GLIS3: variants seen among roughly 807,000 people sequenced by gnomAD.
GLIS3 encodes the protein GLIS family zinc finger 3, also known as zinc finger protein GLIS3.
GLIS3 carries 53 observed loss-of-function variants against 78.6 expected under a neutral mutation model. The observed-to-expected ratio is 0.67, with a 90% CI of 0.54 to 0.85. The LOEUF is 0.85. Ranked by LOEUF, GLIS3 falls within the 40% of genes least tolerant of loss-of-function variation. GLIS3 has a pLI of 0.00. For missense variants in GLIS3, 1,703 were observed against 1,231.1 expected (o/e 1.38, Z -5.74); for synonymous variants, 684 against 509.9 (o/e 1.34, Z -4.60).
intron 4 of GLIS3, among the ~76,000 whole-genome samples, chr9:4,050,521 A>G (rs532506342): frequency 6.6e-6 from 1 of 152,148 alleles, no homozygotes; most frequent in Non-Finnish European, 1.5e-5. Context: ...GGGTGCAGCA[A>G]GCCAACATGG....
chr9:4,298,694 G>C (rs1392857136), intron 1 of GLIS3, among the ~76,000 whole-genome samples: 1 of 152,152 alleles, frequency 6.6e-6, no homozygotes, highest in African/African-American at 2.4e-5. Context: ...AAATGTAAAC[G>C]CGAGGTGACG....
chr9:4,066,472 G>A (rs1827107365), intron 4 of GLIS3, among the ~76,000 whole-genome samples: 1 of 152,186 alleles, frequency 6.6e-6, no homozygotes, highest in Non-Finnish European at 1.5e-5. Context: ...GCCCAGAGGA[G>A]AAGCTCCCTG....
rs565808705 is a variant in GLIS3, at chr9:3,873,883, G to A, written c.2297+5544C>T. ...ATTTGGTAAAGGTGATTTGACTACT[G>A]CTCAAAAATAATTGTTCCTCATATT... On this transcript the variant is annotated intron_variant, in intron 8 of 10. Transcript: ENST00000381971. 5.0e-4 allele frequency among the ~76,000 whole-genome samples: 76 copies of A among 152,220 alleles called. 1 individual carries two copies. In the South Asian group the frequency reaches 0.015, roughly 31 times the overall value.
intron 4 of GLIS3, among the ~76,000 whole-genome samples, chr9:3,982,775 G>A (rs1277146888): frequency 6.6e-6 from 1 of 152,084 alleles, no homozygotes; most frequent in African/African-American, 2.4e-5. Flanking sequence ...AAAAAAAGTT[G>A]GCTTGCATCT....
At chr9:4,325,797 A>T (rs1420311990) in intron 2 of GLIS3, among the ~76,000 whole-genome samples, 4 of 152,230 alleles carry the variant, frequency 2.6e-5, no homozygotes, top group Admixed American at 2.6e-4. Context: ...ACATGAAATC[A>T]ACCTAGATGC....
At chr9:3,959,944 G>C (rs1287580473) in intron 4 of GLIS3, among the ~76,000 whole-genome samples, 1 of 152,204 alleles carries the variant, frequency 6.6e-6, no homozygotes, top group Admixed American at 6.5e-5. Flanking sequence ...CTGAGGTCAG[G>C]AGTTCAAGAC....
At chr9:4,259,616 G>A (rs566821545) in intron 2 of GLIS3, among the ~76,000 whole-genome samples, 3 of 152,284 alleles carry the variant, frequency 2.0e-5, no homozygotes, top group African/African-American at 4.8e-5. Context: ...AAATGGGTGT[G>A]CTTTCAGTTT....
intron 2 of GLIS3, among the ~76,000 whole-genome samples, chr9:4,222,479 T>C (rs564925251): frequency 6.6e-6 from 1 of 152,310 alleles, no homozygotes; most frequent in East Asian, 1.9e-4. Context: ...ACCTGACCCT[T>C]TCTTTTGTGA....
intron 4 of GLIS3, among the ~76,000 whole-genome samples, chr9:4,018,253 T>G: frequency 6.6e-6 from 1 of 152,144 alleles, no homozygotes; most frequent in East Asian, 1.9e-4. Context: ...AAATGAGCAA[T>G]TAGGGTGAGG....
At chr9:3,964,852 A>G (rs1310352598) in intron 4 of GLIS3, among the ~76,000 whole-genome samples, 1 of 152,222 alleles carries the variant, frequency 6.6e-6, no homozygotes, top group Admixed American at 6.5e-5. Context: ...AAAATTGTAA[A>G]TAGTGAAGGT....
the GLIS3 span, among the ~76,000 whole-genome samples, chr9:4,438,682 G>C: frequency 3.3e-5 from 5 of 152,196 alleles, no homozygotes; most frequent in African/African-American, 1.2e-4. Flanking sequence ...ATGCAAGCAG[G>C]TTCCCCATGC....
chr9:4,085,161 C>G (rs886376599), intron 4 of GLIS3, among the ~76,000 whole-genome samples: 1 of 152,138 alleles, frequency 6.6e-6, no homozygotes, highest in Non-Finnish European at 1.5e-5. Flanking sequence ...AAGCAATGGT[C>G]AGACACTAAG....
chr9:3,837,786 C>G (rs987961659), intron 9 of GLIS3, among the ~76,000 whole-genome samples: 22 of 152,256 alleles, frequency 1.4e-4, no homozygotes, highest in African/African-American at 5.3e-4. Context: ...GAAGGACGAG[C>G]ACAGAGGTAG....
intron 9 of GLIS3, among the ~76,000 whole-genome samples, chr9:3,846,658 T>A (rs1017820709): frequency 1.3e-5 from 2 of 152,190 alleles, no homozygotes; most frequent in African/African-American, 4.8e-5. Context: ...AGGACTGGTA[T>A]CTATGGGCAC....
chr9:4,229,383 G>C lies in GLIS3; in HGVS notation c.388+56655C>G, dbSNP rs185031768. Among the ~76,000 whole-genome samples, 8 of 152,348 alleles carry C rather than the reference G, an allele frequency of 5.3e-5. No individual in the cohort carries two copies. The East Asian group carries it at 1.2e-3, about 22-fold the overall frequency. The stretch of plus-strand genomic sequence containing the variant: ...AACTATTGTACATAAAGAAAGAATT[G>C]CAAGTTGTCTAACTTTGGTTGGTTA... On this transcript the variant is annotated intron_variant, in intron 2 of 10. Coordinates refer to ENST00000381971, the MANE Select transcript of GLIS3 (RefSeq NM_001042413.2).
intron 2 of GLIS3, among the ~76,000 whole-genome samples, chr9:4,200,824 C>G (rs1373744774): frequency 6.6e-6 from 1 of 152,138 alleles, no homozygotes; most frequent in African/African-American, 2.4e-5. Flanking sequence ...CGACTCCTGC[C>G]TAACTCGTTC....
chr9:4,463,244 A>G, the GLIS3 span, among the ~76,000 whole-genome samples: 2 of 152,226 alleles, frequency 1.3e-5, no homozygotes, highest in Non-Finnish European at 1.5e-5. Flanking sequence ...GACTTTAAGA[A>G]GTAACTTAAC....
chr9:4,172,305 C>T (rs571640711), intron 2 of GLIS3, among the ~76,000 whole-genome samples: 1 of 152,284 alleles, frequency 6.6e-6, no homozygotes, highest in South Asian at 2.1e-4. Flanking sequence ...CCTACAACTC[C>T]ATTCCTAAAG....
chr9:4,319,481 A>C (rs1376484845), intron 2 of GLIS3, among the ~76,000 whole-genome samples: 2 of 152,190 alleles, frequency 1.3e-5, no homozygotes, highest in Non-Finnish European at 2.9e-5. Context: ...AACATTTTTA[A>C]ATGTTTTAAA....
Sources: allele counts gnomAD v4.1 joint callset (sites outside exome capture counted in the v4.1 genomes callset), GRCh38; gene constraint gnomAD v4.1.1; transcripts MANE v1.5; gene names NCBI Gene and HGNC (gene_info 2026-07-23, HGNC 2026-07-21).